Variants in BRINP3 observed in about 807,000 individuals in gnomAD.
BRINP3 encodes BMP/retinoic acid-inducible neural-specific protein 3.
BRINP3 carries 19 observed loss-of-function variants against 71.0 expected under a neutral mutation model. The observed-to-expected ratio is 0.27, with a 90% CI of 0.19 to 0.39. The LOEUF is 0.39. Among genes scored for constraint, BRINP3 ranks in the 10% least tolerant of loss-of-function variants. The pLI, the probability that BRINP3 is intolerant of heterozygous loss-of-function variation, is 1.00. For synonymous variants in BRINP3, 380 were observed against 337.7 expected (o/e 1.13, Z -1.37); for missense variants, 959 against 940.8 (o/e 1.02, Z -0.25).
chr1:190,174,607 T>C (rs897514765), intron 6 of BRINP3, among the ~76,000 whole-genome samples: 17 of 152,126 alleles, frequency 1.1e-4, no homozygotes, highest in Non-Finnish European at 2.2e-4. Flanking sequence ...TGTAGTTTTA[T>C]ATATAATAGC....
intron 2 of BRINP3, among the ~76,000 whole-genome samples, chr1:190,369,527 T>C (rs1468612472): frequency 1.3e-5 from 2 of 152,114 alleles, no homozygotes; most frequent in Non-Finnish European, 2.9e-5. Context: ...TTTTAGAATA[T>C]TGAAAAGGTA....
chr1:190,441,807 G>A (rs1558289604), intron 2 of BRINP3, among the ~76,000 whole-genome samples: 2 of 152,222 alleles, frequency 1.3e-5, no homozygotes, highest in Middle Eastern at 6.8e-3. Context: ...GAATAGTAAT[G>A]TGAAGTCTGA....
intron 7 of BRINP3, among the ~76,000 whole-genome samples, chr1:190,123,479 C>G (rs1653847900): frequency 6.6e-6 from 1 of 152,080 alleles, no homozygotes; most frequent in Non-Finnish European, 1.5e-5. Flanking sequence ...GACTTCCTTT[C>G]TATCCATTCA....
chr1:190,293,934 T>C (rs1476738390), intron 2 of BRINP3, among the ~76,000 whole-genome samples: 6 of 152,150 alleles, frequency 3.9e-5, no homozygotes, highest in African/African-American at 1.2e-4. Flanking sequence ...GGATTGTTTG[T>C]AGGCACCATA....
chr1:190,199,365 G>T (rs1465463348), intron 6 of BRINP3, among the ~76,000 whole-genome samples: 1 of 152,022 alleles, frequency 6.6e-6, no homozygotes, highest in Non-Finnish European at 1.5e-5. Context: ...GAGGTACAAT[G>T]AATTTGATAA....
chr1:190,416,804 C>T (rs553776738), intron 2 of BRINP3, among the ~76,000 whole-genome samples: 2 of 152,060 alleles, frequency 1.3e-5, no homozygotes, highest in African/African-American at 2.4e-5. Context: ...CCAGGTTTTG[C>T]AGCTATTGAC....
chr1:190,407,369 T>C (rs991202956), intron 2 of BRINP3, among the ~76,000 whole-genome samples: 4 of 152,150 alleles, frequency 2.6e-5, no homozygotes, highest in Non-Finnish European at 4.4e-5. Context: ...GTCCTCCCAA[T>C]TGGACATGAA....
At chr1:190,320,998 T>C (rs764542620) in intron 2 of BRINP3, among the ~76,000 whole-genome samples, 3 of 152,132 alleles carry the variant, frequency 2.0e-5, no homozygotes, top group Non-Finnish European at 2.9e-5. Flanking sequence ...TGTCTGTATA[T>C]ACGCACATTT....
chr1:190,230,123 T>C (rs1657822426), intron 5 of BRINP3, among the ~76,000 whole-genome samples: 1 of 151,444 alleles, frequency 6.6e-6, no homozygotes, highest in Non-Finnish European at 1.5e-5. Flanking sequence ...TTAAAAGGAA[T>C]AAAAGGGCAA....
intron 2 of BRINP3, among the ~76,000 whole-genome samples, chr1:190,288,018 T>C (rs569385754): frequency 6.6e-6 from 1 of 152,202 alleles, no homozygotes; most frequent in Non-Finnish European, 1.5e-5. Flanking sequence ...TAAATCACAT[T>C]TTGAACACTT....
chr1:190,213,040 C>T (rs1300890998), intron 6 of BRINP3, among the ~76,000 whole-genome samples: 1 of 151,916 alleles, frequency 6.6e-6, no homozygotes, highest in Admixed American at 6.6e-5. Flanking sequence ...ATGAAGGTGT[C>T]AAGTACCCTT....
At chr1:190,263,883 A>G (rs1661418989) in intron 4 of BRINP3, among the ~76,000 whole-genome samples, 1 of 152,130 alleles carries the variant, frequency 6.6e-6, no homozygotes, top group Non-Finnish European at 1.5e-5. Context: ...CCACCGTGCC[A>G]GGCCTAAGTA....
At chr1:190,258,154 C>T (rs866059402) in intron 4 of BRINP3, among the ~76,000 whole-genome samples, 5 of 152,178 alleles carry the variant, frequency 3.3e-5, no homozygotes, top group South Asian at 2.1e-4. Context: ...TTCAAGCTTC[C>T]CCAGCTGCTT....
intron 2 of BRINP3, among the ~76,000 whole-genome samples, chr1:190,347,213 T>C (rs1558203283): frequency 6.6e-6 from 1 of 152,138 alleles, no homozygotes; most frequent in Non-Finnish European, 1.5e-5. Context: ...CAATTTCGGT[T>C]CACTACAACC....
chr1:190,442,447 T>C (rs1674889122), intron 2 of BRINP3, among the ~76,000 whole-genome samples: 1 of 152,214 alleles, frequency 6.6e-6, no homozygotes. Flanking sequence ...GCCAGGGAAC[T>C]GTCCATCACA....
chr1:190,098,473 T>C lies in BRINP3; in HGVS notation c.1846A>G (p.Asn616Asp). 2 of 1,614,140 alleles carry C rather than the reference T, an allele frequency of 1.2e-6. No individual in the cohort carries two copies. Among genetic ancestry groups the C allele is most frequent in the Non-Finnish European group, 8.5e-7 (1 of 1,180,022 alleles). ...QCYNWTLTLG[N>D]KWKTFFETVH... is the part of the protein sequence containing the mutation. The stretch of plus-strand genomic sequence containing the variant: ...GTCTCAAAAAATGTCTTCCATTTGT[T>C]CCCCAGAGTTAATGTCCAGTTATAA... Residue 616 changes from asparagine (N) to aspartate (D), a missense_variant, in exon 8 of 8, where the codon AAC becomes GAC. Asn to Asp is a conservative substitution (Grantham distance 23, BLOSUM62 1). Coordinates refer to ENST00000367462, the MANE Select transcript of BRINP3 (RefSeq NM_199051.3).
chr1:190,129,336 C>T (rs1402775713), intron 7 of BRINP3, among the ~76,000 whole-genome samples: 1 of 151,760 alleles, frequency 6.6e-6, no homozygotes, highest in Non-Finnish European at 1.5e-5. Context: ...TTAAAAGTGA[C>T]ATGGTAGTAA....
chr1:190,123,051 A>C (rs918400495), intron 7 of BRINP3, among the ~76,000 whole-genome samples: 4 of 152,048 alleles, frequency 2.6e-5, no homozygotes, highest in African/African-American at 9.7e-5. Context: ...AGACTTCAAG[A>C]TTTACCTGTC....
intron 7 of BRINP3, among the ~76,000 whole-genome samples, chr1:190,134,642 T>C (rs944813624): frequency 1.3e-5 from 2 of 152,102 alleles, no homozygotes; most frequent in Non-Finnish European, 2.9e-5. Context: ...GCAGGAGTCA[T>C]ACAAACCAAG....
Sources: gnomAD v4.1 joint callset for allele counts (sites outside exome capture counted in the v4.1 genomes callset) on GRCh38, gnomAD v4.1.1 for gene constraint, MANE v1.5 for transcripts, NCBI Gene and HGNC (gene_info 2026-07-23, HGNC 2026-07-21) for gene names.